The following RYR2 variants were observed in gnomAD, a reference collection of about 807,000 sequenced individuals.
RYR2 encodes cardiac muscle ryanodine receptor-calcium release channel.
A neutral mutation model predicts 601.1 loss-of-function variants in RYR2; 227 were observed. That is an observed-to-expected ratio of 0.38 (90% CI 0.34 to 0.42). RYR2 has a LOEUF of 0.42. Ranked by LOEUF, RYR2 falls within the 10% of genes least tolerant of loss-of-function variation. The pLI is 1.00. For missense variants in RYR2, 4,646 were observed against 6,156.5 expected, an observed-to-expected ratio of 0.75 and a Z score of 8.21; for synonymous variants, 2,223 against 2,175.1, an observed-to-expected ratio of 1.02 and a Z score of -0.61.
chr1:237,210,770 C>G lies in RYR2; in HGVS notation c.49-59727C>G, dbSNP rs980514390. On this transcript the variant is annotated intron_variant, in intron 1 of 104. Coordinates refer to ENST00000366574, the MANE Select transcript of RYR2 (RefSeq NM_001035.3). ...TCCCACTATCTTGGAAAGCAGGCAC[C>G]GGGGACCACAGGTAGGCTTAGATTC... Among the ~76,000 whole-genome samples, 3 of 152,126 alleles carry G rather than the reference C, an allele frequency of 2.0e-5. No homozygotes were observed. The East Asian group carries it at 5.8e-4, about 29-fold the overall frequency.
At chr1:237,623,655 G>A in intron 38 of RYR2, 110 bp from the exon 39 acceptor site, 1 of 645,072 alleles carries the variant, frequency 1.6e-6, no homozygotes, top group Non-Finnish European at 2.7e-6. Flanking sequence ...GCCTCCCAGA[G>A]TGCTGGGATT....
At chr1:237,199,009 T>C (rs924314300) in intron 1 of RYR2, among the ~76,000 whole-genome samples, 2 of 152,138 alleles carry the variant, frequency 1.3e-5, no homozygotes, top group Middle Eastern at 3.2e-3. Flanking sequence ...AAAATTATTG[T>C]CTGGTTAATC....
intron 34 of RYR2, 51 bp from the exon 35 acceptor site, chr1:237,601,974 C>A (rs1676551256): frequency 1.3e-6 from 2 of 1,502,024 alleles, no homozygotes; most frequent in Non-Finnish European, 1.8e-6. Context: ...AAACTTTTTC[C>A]CTTGTCTTGT....
chr1:237,604,434 G>A (rs898380495), intron 35 of RYR2, among the ~76,000 whole-genome samples: 6 of 151,978 alleles, frequency 3.9e-5, no homozygotes, highest in African/African-American at 1.5e-4. Context: ...TGTGTAGAGG[G>A]AAACTTATAG....
At chr1:237,170,254 G>A (rs1401513130) in intron 1 of RYR2, among the ~76,000 whole-genome samples, 2 of 152,186 alleles carry the variant, frequency 1.3e-5, no homozygotes, top group African/African-American at 4.8e-5. Context: ...ATGATGAAAA[G>A]GAGCCTGCCC....
chr1:237,614,282 G>C lies in RYR2; in HGVS notation c.5154G>C (p.Arg1718Ser), dbSNP rs114534505. The change falls in exon 37 of 105, where the codon AGG (arginine) becomes AGC (serine). Residue 1718 changes from arginine to serine, a missense_variant. This residue lies in a region of RYR2 where 1,807 missense variants were observed against 2,088.1 expected (regional missense o/e 0.87). Coordinates refer to ENST00000366574, the MANE Select transcript of RYR2 (RefSeq NM_001035.3). This position sits in a 1 kb window ranked among gnomAD's most constrained non-coding sequence, Gnocchi z 4.3. ...DIHLSSYATARLMMNNEYIVP... is the reference protein window; with the variant it reads ...DIHLSSYATASLMMNNEYIVP... ...ACCTGAGCTCCTATGCCACTGCCAG[G>C]CTCATGATGAACAACGAGTACATTG... 2.7e-5 allele frequency: 43 copies of C among 1,613,978 alleles called. No homozygotes were observed. Among genetic ancestry groups the C allele is most frequent in the Non-Finnish European group, 3.3e-5 (39 of 1,179,892 alleles).
intron 2 of RYR2, among the ~76,000 whole-genome samples, chr1:237,292,684 T>A (rs1421003119): frequency 6.6e-6 from 1 of 152,226 alleles, no homozygotes; most frequent in Non-Finnish European, 1.5e-5. Context: ...ATTTTTTGTC[T>A]TGTGTGATTT....
chr1:237,812,042 G>A (rs1300539385), intron 100 of RYR2, among the ~76,000 whole-genome samples: 1 of 151,974 alleles, frequency 6.6e-6, no homozygotes, highest in Admixed American at 6.6e-5. Flanking sequence ...ATTGTCCCAG[G>A]CATTGTCTCA....
At chr1:237,535,462 A>T (rs765667215) in intron 25 of RYR2, among the ~76,000 whole-genome samples, 1 of 148,408 alleles carries the variant, frequency 6.7e-6, no homozygotes, top group Non-Finnish European at 1.5e-5. Flanking sequence ...ATAACTATTA[A>T]AGGAATTGAA....
chr1:237,324,657 A>G (rs971732195), intron 2 of RYR2, among the ~76,000 whole-genome samples: 1 of 152,144 alleles, frequency 6.6e-6, no homozygotes, highest in African/African-American at 2.4e-5. Flanking sequence ...TTGAAGTCGG[A>G]TAAGTATTTT....
Position 237,542,242 on chromosome 1 carries a change from C to A in RYR2, c.2907-6189C>A, listed in dbSNP as rs1288246975. Among the ~76,000 whole-genome samples the A allele has an allele frequency of 3.9e-5, 6 of 152,008 alleles. No individual in the cohort carries two copies. In the South Asian group the frequency reaches 8.3e-4, roughly 21 times the overall value. ...CCAAGCAGCTGGGATTGGAGGCATG[C>A]ATCACCACACCCAGCTAATTTTGTA... On this transcript the variant is annotated intron_variant, in intron 25 of 104. Transcript: ENST00000366574.
At chr1:237,518,532 T>G (rs1666786488) in intron 24 of RYR2, among the ~76,000 whole-genome samples, 2 of 152,324 alleles carry the variant, frequency 1.3e-5, no homozygotes, top group East Asian at 3.9e-4. Flanking sequence ...TGGGTCTAGC[T>G]TATTTCAGTT....
chr1:237,627,355 C>A (rs1679783055), intron 40 of RYR2, among the ~76,000 whole-genome samples: 1 of 152,194 alleles, frequency 6.6e-6, no homozygotes, highest in African/African-American at 2.4e-5. Flanking sequence ...GTGCAAATGA[C>A]TCAACTGAGG....
intron 10 of RYR2, among the ~76,000 whole-genome samples, chr1:237,407,609 G>GTT (rs35247530): frequency 5.0e-5 from 6 of 118,884 alleles, no homozygotes; most frequent in Non-Finnish European, 1.1e-4. Flanking sequence ...AATTGTGGTT[G>GTT]TTTTTTTTTT....
chr1:237,469,258 CAAAAAAAAAA>C (rs66912945), intron 17 of RYR2, 71 bp downstream of exon 17: 14 of 112,270 alleles, frequency 1.2e-4, no homozygotes, highest in Non-Finnish European at 1.9e-4. Context: ...TCCTTTAAGA[CAAAAAAAAAA>C]AAAAAAAAAA....
At chr1:237,046,940 T>C (rs1303733487) in intron 1 of RYR2, among the ~76,000 whole-genome samples, 2 of 152,156 alleles carry the variant, frequency 1.3e-5, no homozygotes, top group Non-Finnish European at 2.9e-5. Context: ...AGAATAGATA[T>C]AGAGGATGGC....
rs2150301097 is a variant in RYR2, at chr1:237,469,094, G to A, written c.1615G>A (p.Ala539Thr). The A allele has an allele frequency of 1.2e-6, 2 of 1,612,128 alleles. No individual in the cohort carries two copies. Among genetic ancestry groups the A allele is most frequent in the African/African-American group, 1.3e-5 (1 of 74,932 alleles). Reference sequence around the variant, plus strand: ...GAAATCTATTTCTTCTTTTGCAGCGGCTCTAATTAGAGGAAATCGTAAAAA... The same window carrying A: ...GAAATCTATTTCTTCTTTTGCAGCGACTCTAATTAGAGGAAATCGTAAAAA... ...ILNSLYELLA[A>T]LIRGNRKNCA... The change falls in exon 17 of 105, where the codon GCT becomes ACT. Residue 539 changes from alanine to threonine, a missense_variant and splice_region_variant. Physicochemically the swap from Ala to Thr is moderately conservative, Grantham distance 58. Coordinates refer to ENST00000366574, the MANE Select transcript of RYR2 (RefSeq NM_001035.3).
intron 103 of RYR2, 70 bp from the exon 104 acceptor site, chr1:237,831,444 T>C: frequency 1.2e-6 from 1 of 852,266 alleles, no homozygotes; most frequent in South Asian, 1.5e-5. Context: ...ATACAATTTA[T>C]CTAAATATGC....
chr1:237,229,016 GGACCATTTTA>G (rs766694641), intron 1 of RYR2, among the ~76,000 whole-genome samples: 76 of 152,224 alleles, frequency 5.0e-4, no homozygotes, highest in South Asian at 4.2e-4. Flanking sequence ...CAGGAGGTAG[GGACCATTTTA>G]CAGATGTGGA....
Sources: gnomAD v4.1 joint callset for allele counts (sites outside exome capture counted in the v4.1 genomes callset) on GRCh38, gnomAD v4.1.1 for gene constraint, gnomAD v4.1.1 regional missense constraint, Gnocchi (gnomAD v3.1) non-coding constraint, MANE v1.5 for transcripts, NCBI Gene and HGNC (gene_info 2026-07-23, HGNC 2026-07-21) for gene names.